LNX1: variants seen among roughly 807,000 people sequenced by gnomAD.
LNX1 encodes the protein E3 ubiquitin-protein ligase LNX.
LNX1 carries 54 observed loss-of-function variants against 68.4 expected under a neutral mutation model. The observed-to-expected ratio is 0.79, with a 90% CI of 0.63 to 0.99. LNX1 has a LOEUF of 0.99. Ranked by LOEUF, LNX1 falls within the 50% of genes least tolerant of loss-of-function variation. The pLI is 0.00. For missense variants in LNX1, 906 were observed against 926.4 expected (o/e 0.98, Z 0.29); for synonymous variants, 336 against 350.0 (o/e 0.96, Z 0.45).
At chr4:53,589,508 C>A (rs1369150568) in intron 1 of LNX1, among the ~76,000 whole-genome samples, 6 of 152,206 alleles carry the variant, frequency 3.9e-5, no homozygotes, top group Non-Finnish European at 8.8e-5. Flanking sequence ...AAAGGAAGAA[C>A]CTAGCCTCAG....
intron 9 of LNX1, among the ~76,000 whole-genome samples, chr4:53,472,378 C>A (rs1246196408): frequency 6.6e-6 from 1 of 151,856 alleles, no homozygotes; most frequent in African/African-American, 2.4e-5. Context: ...AGGAGATATA[C>A]CTAATGCTAA....
At chr4:53,582,168 T>A (rs1731877198) in intron 1 of LNX1, among the ~76,000 whole-genome samples, 1 of 152,208 alleles carries the variant, frequency 6.6e-6, no homozygotes, top group Non-Finnish European at 1.5e-5. Flanking sequence ...ATTTTCCTTT[T>A]ACCTGACCTG....
chr4:53,495,303 C>T (rs919716477), intron 6 of LNX1, among the ~76,000 whole-genome samples: 1 of 152,104 alleles, frequency 6.6e-6, no homozygotes, highest in Admixed American at 6.5e-5. Context: ...AACAGTGACC[C>T]TGACGAAGTC....
chr4:53,594,684 A>G (rs1437037151), upstream of LNX1, among the ~76,000 whole-genome samples: 1 of 151,566 alleles, frequency 6.6e-6, no homozygotes, highest in African/African-American at 2.4e-5. Flanking sequence ...CTTTTCTTTT[A>G]CTTTCTTACT....
At chr4:53,581,676 A>G (rs1218825042) in intron 1 of LNX1, among the ~76,000 whole-genome samples, 2 of 152,178 alleles carry the variant, frequency 1.3e-5, no homozygotes, top group Non-Finnish European at 2.9e-5. Context: ...CACTATCGCA[A>G]GAATAGCATG....
intron 2 of LNX1, among the ~76,000 whole-genome samples, chr4:53,518,006 A>T (rs1442409078): frequency 6.6e-6 from 1 of 152,064 alleles, no homozygotes; most frequent in East Asian, 1.9e-4. Context: ...CTGCCTCCAA[A>T]CTGCTGGGAA....
chr4:53,511,791 C>T (rs908635931), intron 2 of LNX1, among the ~76,000 whole-genome samples: 14 of 152,252 alleles, frequency 9.2e-5, no homozygotes, highest in Middle Eastern at 3.4e-3. Context: ...GATTCACAGA[C>T]GTTCTGATAG....
chr4:53,520,568 A>G (rs1727140879), intron 2 of LNX1, among the ~76,000 whole-genome samples: 1 of 152,184 alleles, frequency 6.6e-6, no homozygotes, highest in Non-Finnish European at 1.5e-5. Flanking sequence ...GTTTTCTGTT[A>G]TCTGTCCATG....
At chr4:53,559,525 T>C (rs1389817040) in intron 2 of LNX1, among the ~76,000 whole-genome samples, 1 of 152,234 alleles carries the variant, frequency 6.6e-6, no homozygotes, top group African/African-American at 2.4e-5. Flanking sequence ...TGAACTTTCA[T>C]GTCCTCCCCT....
intron 2 of LNX1, among the ~76,000 whole-genome samples, chr4:53,567,579 A>C (rs1730789943): frequency 6.6e-6 from 1 of 151,988 alleles, no homozygotes; most frequent in Admixed American, 6.6e-5. Flanking sequence ...CATCACAATT[A>C]AAAGAACTAG....
chr4:53,591,760 C>T (rs761223139), upstream of LNX1: 1 of 178,010 alleles, frequency 5.6e-6, no homozygotes, highest in Non-Finnish European at 1.1e-5. Context: ...GTGTCCAGCC[C>T]CGTGTTCAGA....
At chr4:53,557,380 T>C (rs1433344618) in intron 2 of LNX1, among the ~76,000 whole-genome samples, 2 of 152,114 alleles carry the variant, frequency 1.3e-5, no homozygotes, top group Non-Finnish European at 2.9e-5. Context: ...TTCAAAAGCA[T>C]CAAAAATAAA....
In LNX1 at chr4:53,460,377, A is replaced by G. The variant is rs138338265; in HGVS notation, c.*530T>C. 86 of 190,198 alleles carry G rather than the reference A, an allele frequency of 4.5e-4. No individual in the cohort carries two copies. In the Middle Eastern group the frequency reaches 7.5e-3, roughly 17 times the overall value. 11.8% of individuals were successfully genotyped at this position (190,198 alleles called of 1,614,324 possible). On this transcript the variant is annotated 3_prime_UTR_variant, in exon 11 of 11. Coordinates refer to ENST00000263925, the MANE Select transcript of LNX1 (RefSeq NM_001126328.3). ...GGTAACAAATAACATGGTATTTGAA[A>G]GAATAAATTACTAGGATCTTTTAAA... is the stretch of plus-strand genomic sequence containing the variant.
At chr4:53,509,688 GT>G (rs1726184880) in intron 2 of LNX1, among the ~76,000 whole-genome samples, 1 of 152,178 alleles carries the variant, frequency 6.6e-6, no homozygotes, top group African/African-American at 2.4e-5. Flanking sequence ...ACTACAAGCA[GT>G]TCTCATGAGA....
chr4:53,597,475 T>A (rs79047286), intron 2 of LNX1, among the ~76,000 whole-genome samples: 18,275 of 152,206 alleles, frequency 0.12, 1,250 homozygotes, highest in East Asian at 0.24. Context: ...CATAGAGAAC[T>A]GGTTTTCTAA....
At position 53,460,382 on chromosome 4, in the gene LNX1, A is replaced by AT. The variant is rs1372642453; in HGVS notation, c.*524_*525insA. The AT allele has an allele frequency of 1.1e-5, 2 of 190,046 alleles. No homozygotes were observed. The highest frequency in any genetic ancestry group is 4.7e-5 in the African/African-American group (2 of 42,872). 11.8% of individuals were successfully genotyped at this position (190,046 alleles called of 1,614,324 possible). On this transcript the variant is annotated 3_prime_UTR_variant, in exon 11 of 11. Transcript: ENST00000263925. ...CAAATAACATGGTATTTGAAAGAAT[A>AT]AATTACTAGGATCTTTTAAATAGTG...
chr4:53,592,258 C>A (rs1215318805), upstream of LNX1, among the ~76,000 whole-genome samples: 2 of 152,042 alleles, frequency 1.3e-5, no homozygotes, highest in Non-Finnish European at 2.9e-5. Flanking sequence ...TGTCATTAGG[C>A]GATGTTGTCT....
Position 53,616,962 on chromosome 4 carries a change from C to A in LNX1, c.-284+286G>T, listed in dbSNP as rs1259685745. 3.3e-5 allele frequency among the ~76,000 whole-genome samples: 5 copies of A among 152,132 alleles called. 1 individual carries two copies. Among genetic ancestry groups the A allele is most frequent in the Non-Finnish European group, 5.9e-5 (4 of 68,026 alleles). ...TCCCTGACTATAAATCACCCATAAGCTACAATCGTCAAAGCTTTTAAATAT... is the reference window on the plus strand; with the variant it reads ...TCCCTGACTATAAATCACCCATAAGATACAATCGTCAAAGCTTTTAAATAT... On this transcript the variant is annotated intron_variant, in intron 1 of 3. Coordinates refer to the LNX1 transcript ENST00000504299.
At chr4:53,635,306 C>A (rs1734430565) in intron 1 of LNX1, among the ~76,000 whole-genome samples, 1 of 152,172 alleles carries the variant, frequency 6.6e-6, no homozygotes, top group Non-Finnish European at 1.5e-5. Flanking sequence ...TGAACTAGAT[C>A]CCCCCTTCCG....
Sources: allele counts gnomAD v4.1 joint callset (sites outside exome capture counted in the v4.1 genomes callset), GRCh38; gene constraint gnomAD v4.1.1; transcripts MANE v1.5; gene names NCBI Gene and HGNC (gene_info 2026-07-23, HGNC 2026-07-21).